TTN: variants seen among roughly 807,000 people sequenced by gnomAD.
TTN encodes connectin.
Under a neutral mutation model 3,223.0 loss-of-function variants are expected in TTN, and 1,525 were observed. The observed-to-expected ratio is 0.47, with a 90% CI of 0.45 to 0.49. TTN has a LOEUF of 0.49. TTN is among the 20% of genes least tolerant of loss of function. The probability of loss-of-function intolerance (pLI) is 0.00; values close to 1 mark genes in which losing one functional copy is unlikely to be tolerated. For missense variants in TTN, 40,786 were observed against 43,424.0 expected, an observed-to-expected ratio of 0.94 and a Z score of 5.40; for synonymous variants, 14,094 against 15,161.0, an observed-to-expected ratio of 0.93 and a Z score of 5.17.
At chr2:178,791,670 T>TGTGTGTGC (rs2093507027) in intron 10 of TTN, among the ~76,000 whole-genome samples, 2 of 151,220 alleles carry the variant, frequency 1.3e-5, no homozygotes. Context: ...TATATGTGTG[T>TGTGTGTGC]GTGTGTGTGT....
chr2:178,805,465 G>A (rs1193026781), intron 1 of TTN, among the ~76,000 whole-genome samples: 1 of 151,444 alleles, frequency 6.6e-6, no homozygotes, highest in Non-Finnish European at 1.5e-5. Flanking sequence ...TTATAAAGTT[G>A]ACATTGATTC....
intron 113 of TTN, 120 bp from the exon 114 acceptor site, chr2:178,696,389 T>C (rs910601720): frequency 5.6e-6 from 5 of 894,180 alleles, no homozygotes; most frequent in Non-Finnish European, 7.8e-6. Context: ...GATAATTTGT[T>C]TTTTTTTTTT....
rs778959259 is a variant in TTN, at chr2:178,704,201, G to A, written c.30169C>T (p.Gln10057Ter). 1 of 1,613,996 alleles carries A rather than the reference G, an allele frequency of 6.2e-7. No homozygotes were observed. The highest frequency in any genetic ancestry group is 8.5e-7 in the Non-Finnish European group (1 of 1,179,870). ...IADVRAEDQG[Q>*]YTCKYEDLET... is the part of the protein sequence containing the mutation. Reference sequence around the variant, plus strand: ...AGGTCTTCATATTTGCAGGTGTACTGACCCTGGTCTTCTGCTCGAACATCT... The same window carrying A: ...AGGTCTTCATATTTGCAGGTGTACTAACCCTGGTCTTCTGCTCGAACATCT... Residue 10057 changes from glutamine to a stop codon, truncating the protein, a stop_gained, in exon 106 of 363, where the codon CAG becomes TAG. Transcript: ENST00000589042. LOFTEE classifies it high-confidence loss of function.
Position 178,731,871 on chromosome 2 carries a change from G to A in TTN, c.17004C>T (p.Ile5668=). The part of the protein sequence containing the change: ...AEVAGTPPFE[I]TWFKDNTILR... ...GGATTGTGTTATCTTTGAACCAAGTGATCTCAAAGGGAGGAGTGCCTGCCA... is the reference window on the plus strand; with the variant it reads ...GGATTGTGTTATCTTTGAACCAAGTAATCTCAAAGGGAGGAGTGCCTGCCA... The change falls in exon 58 of 363, where the codon ATC becomes ATT. Residue 5668 remains isoleucine (I), a synonymous_variant. Coordinates refer to ENST00000589042, the MANE Select transcript of TTN (RefSeq NM_001267550.2). 6.2e-7 allele frequency: 1 copy of A among 1,613,764 alleles called. No homozygotes were observed. Among genetic ancestry groups the A allele is most frequent in the Non-Finnish European group, 8.5e-7 (1 of 1,179,746 alleles).
At chr2:178,687,325 T>C (rs184369144) in intron 127 of TTN, among the ~76,000 whole-genome samples, 1 of 152,210 alleles carries the variant, frequency 6.6e-6, no homozygotes, top group East Asian at 1.9e-4. Flanking sequence ...TGGATTTTAG[T>C]TGGAAACCTG....
chr2:178,690,315 T>A (rs564497682), intron 121 of TTN, among the ~76,000 whole-genome samples: 1 of 152,286 alleles, frequency 6.6e-6, no homozygotes, highest in South Asian at 2.1e-4. Context: ...GACTAAGAAG[T>A]CTTAGAATAG....
Position 178,644,566 on chromosome 2 carries a change from C to G in TTN, c.40459G>C (p.Glu13487Gln). ...PEKPQVPEKV[E>Q]LTPLKVPGGE... ...GAAATACCTTTCAGAGGTGTAAGCT[C>G]CACTTTTTCTGGAACCTGAGGTTTT... is the stretch of plus-strand genomic sequence containing the variant. The change falls in exon 218 of 363, where the codon GAG becomes CAG. Residue 13487 changes from glutamate to glutamine, a missense_variant. By Grantham distance (29) the Glu-to-Gln change is conservative. Transcript: ENST00000589042. 1 of 1,585,572 alleles carries G rather than the reference C, an allele frequency of 6.3e-7. No homozygotes were observed.
In TTN at chr2:178,717,505, G is replaced by GTAC. The variant is rs756890514; in HGVS notation, c.25351+15_25351+17dup. On this transcript the variant is annotated intron_variant, in intron 87 of 362. Transcript: ENST00000589042. ...GTGAAGCTGCTTTACAATGAAGAGG[G>GTAC]TACTGTGAGTTACTCACCTGAGAGA... 4 of 1,584,910 alleles carry GTAC rather than the reference G, an allele frequency of 2.5e-6. No individual in the cohort carries two copies. The highest frequency in any genetic ancestry group is 1.7e-6 in the Non-Finnish European group (2 of 1,165,634).
chr2:178,592,964 A>C lies in TTN; in HGVS notation c.59155T>G (p.Tyr19719Asp). ...CACTCTTCATCTCCAACTTTCTGGT[A>C]CTCAACAATATAACCCAGAATCTTG... is the stretch of plus-strand genomic sequence containing the variant. The part of the protein sequence containing the change: ...GSKILGYIVE[Y>D]QKVGDEEWRR... Residue 19719 changes from tyrosine to aspartate, a missense_variant, in exon 300 of 363, where the codon TAC becomes GAC. Coordinates refer to ENST00000589042, the MANE Select transcript of TTN (RefSeq NM_001267550.2). The C allele has an allele frequency of 6.2e-7, 1 of 1,613,494 alleles. No homozygotes were observed. Among genetic ancestry groups the C allele is most frequent in the African/African-American group, 1.3e-5 (1 of 74,990 alleles).
In TTN at chr2:178,633,886, A is replaced by C. The variant is rs747480084; in HGVS notation, c.42613T>G (p.Leu14205Val). The change falls in exon 231 of 363, where the codon TTG becomes GTG. Residue 14205 changes from leucine (L) to valine (V), a missense_variant. By Grantham distance (32) the Leu-to-Val change is conservative (BLOSUM62 1). Coordinates refer to ENST00000589042, the MANE Select transcript of TTN (RefSeq NM_001267550.2). ...THKLEMKEVTLDDISQIKAQV... is the reference protein window; with the variant it reads ...THKLEMKEVTVDDISQIKAQV... The stretch of plus-strand genomic sequence containing the variant: ...GCTTTTATCTGAGATATATCATCCA[A>C]TGTCACTTCTTTCATTTCCAATTTG... 1.2e-6 allele frequency: 2 copies of C among 1,613,440 alleles called. No homozygotes were observed. Among genetic ancestry groups the C allele is most frequent in the Non-Finnish European group, 1.7e-6 (2 of 1,179,584 alleles).
Position 178,735,687 on chromosome 2 carries a change from G to A in TTN, c.14759C>T (p.Thr4920Met), listed in dbSNP as rs371455094. Residue 4920 changes from threonine (T) to methionine (M), a missense_variant, in exon 50 of 363, where the codon ACG becomes ATG. Transcript: ENST00000589042. ...QVDEDRKVTVTWSKDGQKLPP... is the reference protein window; with the variant it reads ...QVDEDRKVTVMWSKDGQKLPP... ...GAGTTTTTGCCCATCTTTGCTCCAC[G>A]TAACTGTGACTTTTCTGTCTTCATC... 4.0e-5 allele frequency: 65 copies of A among 1,613,600 alleles called. No homozygotes were observed. In the African/African-American group the frequency reaches 5.7e-4, roughly 14 times the overall value.
In TTN at chr2:178,781,180, G is replaced by A. The variant is rs1385838473; in HGVS notation, c.3464C>T (p.Thr1155Ile). 9.3e-6 allele frequency: 15 copies of A among 1,613,940 alleles called. No individual in the cohort carries two copies. The highest frequency in any genetic ancestry group is 1.1e-5 in the Non-Finnish European group (13 of 1,179,972). ...TCCATGCTTATTGCGAACAACAATA[G>A]TGTATTCTCCAGCATCATCAGCAAA... is the stretch of plus-strand genomic sequence containing the variant. Reference protein sequence around the residue: ...MTFADDAGEYTIVVRNKHGET... With the variant: ...MTFADDAGEYIIVVRNKHGET... The change falls in exon 21 of 363, where the codon ACT becomes ATT. Residue 1155 changes from threonine to isoleucine, a missense_variant. By Grantham distance (89) the Thr-to-Ile change is moderately conservative. Transcript: ENST00000589042.
In TTN at chr2:178,558,348, C is replaced by T. The variant is rs374902148; in HGVS notation, c.87111G>A (p.Glu29037=). 9.8e-5 allele frequency: 158 copies of T among 1,610,788 alleles called. No homozygotes were observed. Among genetic ancestry groups the T allele is most frequent in the Non-Finnish European group, 1.4e-5 (17 of 1,179,130 alleles). ...ACACAAAATTAGACATACCTAGTTG[C>T]TCCTTAATAAGAACAGGAAGCAGAA... ...RELLLPVLIK[E]QLEPPEIDMK... is the part of the protein sequence containing the mutation. Residue 29037 remains glutamate (E), a synonymous_variant, in exon 327 of 363, where the codon GAG becomes GAA. Coordinates refer to ENST00000589042, the MANE Select transcript of TTN (RefSeq NM_001267550.2).
chr2:178,539,626 C>T lies in TTN; in HGVS notation c.98439G>A (p.Val32813=), dbSNP rs368487246. ...LEYDDIQVRS[V]RVSWRPPADD... The stretch of plus-strand genomic sequence containing the variant: ...CAGCAGGAGGTCTCCAGCTGACCCT[C>T]ACAGAGCGGACTTGGATGTCATCAT... Residue 32813 remains valine, a synonymous_variant, in exon 352 of 363, where the codon GTG becomes GTA. Transcript: ENST00000589042. 3.4e-4 allele frequency: 556 copies of T among 1,613,796 alleles called. No individual in the cohort carries two copies. In the African/African-American group the frequency reaches 6.7e-3, roughly 20 times the overall value.
intron 52 of TTN, 27 bp downstream of exon 52, chr2:178,734,301 A>G (rs1474496679): frequency 1.3e-6 from 2 of 1,533,970 alleles, no homozygotes; most frequent in Non-Finnish European, 1.7e-6. Context: ...AATTTATTAA[A>G]GAGACATTAG....
intron 217 of TTN, 146 bp from the exon 218 acceptor site, chr2:178,644,762 A>C (rs2154242393): frequency 1.8e-6 from 1 of 570,642 alleles, no homozygotes; most frequent in East Asian, 3.4e-5. Flanking sequence ...AAGAACATAC[A>C]AGCAGCATTC....
At chr2:178,665,585 T>C in intron 164 of TTN, 123 bp downstream of exon 164, 2 of 1,319,218 alleles carry the variant, frequency 1.5e-6, no homozygotes, top group Non-Finnish European at 2.1e-6. Flanking sequence ...TGAGGAGGTA[T>C]ACAATCTTGA....
At position 178,565,135 on chromosome 2, in the gene TTN, A is replaced by G. The variant is rs753036492; in HGVS notation, c.80997T>C (p.Tyr26999=). 5 of 1,613,406 alleles carry G rather than the reference A, an allele frequency of 3.1e-6. No individual in the cohort carries two copies. The highest frequency in any genetic ancestry group is 2.7e-5 in the African/African-American group (2 of 74,890). ...AGTTGCTTATTTGGCAGCCACCAGT[A>G]TAGGCTGGAGGTTCCCAAGATATGA... ...FVVISWEPPA[Y]TGGCQISNYI... The change falls in exon 326 of 363, where the codon TAT becomes TAC. Residue 26999 remains tyrosine, a synonymous_variant. Transcript: ENST00000589042.
Position 178,775,456 on chromosome 2 carries a change from C to A in TTN, c.6408G>T (p.Leu2136Phe), listed in dbSNP as rs761940711. Residue 2136 changes from leucine (L) to phenylalanine (F), a missense_variant, in exon 28 of 363, where the codon TTG (leucine) becomes TTT (phenylalanine). Coordinates refer to ENST00000589042, the MANE Select transcript of TTN (RefSeq NM_001267550.2). ...WYWPEDNVCE[L>F]VIRDVTAEDS... ...CCTCAGCAGTCACATCTCTTATGACCAATTCACAAACATTGTCTTCGGGCC... is the reference window on the plus strand; with the variant it reads ...CCTCAGCAGTCACATCTCTTATGACAAATTCACAAACATTGTCTTCGGGCC... 4 of 1,613,854 alleles carry A rather than the reference C, an allele frequency of 2.5e-6. No homozygotes were observed. The African/African-American group carries it at 4.0e-5, about 16-fold the overall frequency.
Sources: allele counts gnomAD v4.1 joint callset (sites outside exome capture counted in the v4.1 genomes callset), GRCh38; gene constraint gnomAD v4.1.1; transcripts MANE v1.5; gene names NCBI Gene and HGNC (gene_info 2026-07-23, HGNC 2026-07-21).